The following SLC43A1 variants were observed in gnomAD, a reference collection of about 807,000 sequenced individuals.
SLC43A1 encodes large neutral amino acids transporter small subunit 3.
A neutral mutation model predicts 59.5 loss-of-function variants in SLC43A1; 31 were observed. The ratio of observed to expected loss-of-function variants is 0.52; its 90% CI spans 0.39 to 0.70. SLC43A1 has a LOEUF of 0.70. Among genes scored for constraint, SLC43A1 ranks in the 30% least tolerant of loss-of-function variants. SLC43A1 has a pLI of 0.00. For missense variants in SLC43A1, 598 were observed against 717.8 expected, an observed-to-expected ratio of 0.83 and a Z score of 1.91; for synonymous variants, 259 against 290.9, an observed-to-expected ratio of 0.89 and a Z score of 1.12.
chr11:57,498,523 G>A (rs1176028259), intron 5 of SLC43A1, among the ~76,000 whole-genome samples: 3 of 152,156 alleles, frequency 2.0e-5, no homozygotes, highest in African/African-American at 4.8e-5. Context: ...GAGACCCAGG[G>A]AGGAAAAGTG....
intron 2 of SLC43A1, among the ~76,000 whole-genome samples, chr11:57,510,870 T>C (rs1194815471): frequency 6.6e-6 from 1 of 151,876 alleles, no homozygotes; most frequent in Non-Finnish European, 1.5e-5. Context: ...CGGGCGCCTG[T>C]ACCTGGGAGG....
chr11:57,487,254 C>T (rs759421617), intron 13 of SLC43A1, 36 bp from the exon 14 acceptor site: 41 of 1,598,756 alleles, frequency 2.6e-5, no homozygotes, highest in Non-Finnish European at 3.2e-5. Context: ...GGGTGTGTGG[C>T]CCTCTCCAGC....
intron 5 of SLC43A1, among the ~76,000 whole-genome samples, chr11:57,498,453 A>G (rs180767967): frequency 1.1e-4 from 16 of 152,240 alleles, no homozygotes; most frequent in Non-Finnish European, 1.6e-4. Context: ...CCCCCCAAAA[A>G]AAAAGAAAAG....
chr11:57,491,335 GC>G lies in SLC43A1; in HGVS notation c.1081del (p.Ala361ProfsTer65). 6.2e-7 allele frequency: 1 copy of G among 1,605,566 alleles called. No individual in the cohort carries two copies. The highest frequency in any genetic ancestry group is 8.5e-7 in the Non-Finnish European group (1 of 1,175,772). ...TVGFYSSVFG[A>X]MQLLCLLTCP... is the part of the protein sequence containing the mutation. ...GGTGAGAAGGCACAACAGCTGCATG[GC>G]CCCGAAGACGGAGGAGTAGAACCCA... On this transcript the variant is annotated frameshift_variant, in exon 11 of 15. Coordinates refer to ENST00000278426, the MANE Select transcript of SLC43A1 (RefSeq NM_003627.6). LOFTEE classifies it high-confidence loss of function.
At chr11:57,498,305 G>T (rs1235336529) in intron 5 of SLC43A1, among the ~76,000 whole-genome samples, 1 of 152,086 alleles carries the variant, frequency 6.6e-6, no homozygotes, top group Non-Finnish European at 1.5e-5. Flanking sequence ...GCTAGGCATG[G>T]TGGCATGCGC....
At chr11:57,485,634 G>T (rs1943708850) in intron 14 of SLC43A1, among the ~76,000 whole-genome samples, 1 of 152,156 alleles carries the variant, frequency 6.6e-6, no homozygotes, top group South Asian at 2.1e-4. Flanking sequence ...GCGAGAGGAG[G>T]CTCTCAGACA....
chr11:57,486,227 C>G (rs921696764), intron 14 of SLC43A1, among the ~76,000 whole-genome samples: 2 of 152,236 alleles, frequency 1.3e-5, no homozygotes, highest in African/African-American at 4.8e-5. Context: ...TGGCTCACGC[C>G]TGTAACCCCA....
Position 57,489,350 on chromosome 11 carries a change from C to G in SLC43A1, c.1236G>C (p.Lys412Asn), listed in dbSNP as rs1433995338. 3.4e-5 allele frequency: 55 copies of G among 1,614,050 alleles called. No homozygotes were observed. Among genetic ancestry groups the G allele is most frequent in the Non-Finnish European group, 4.5e-5 (53 of 1,180,054 alleles). The change falls in exon 12 of 15, where the codon AAG becomes AAC. Residue 412 changes from lysine (K) to asparagine (N), a missense_variant. Transcript: ENST00000278426. ...TGATGGCATTGGTGAGCTTTTGGAT[C>G]TTGCAGTAGCGTGGTCTGATGGATT... Reference protein sequence around the residue: ...ATKSIRPRYCKIQKLTNAISA... With the variant: ...ATKSIRPRYCNIQKLTNAISA...
intron 13 of SLC43A1, 106 bp from the exon 14 acceptor site, chr11:57,487,324 G>C: frequency 7.2e-7 from 1 of 1,390,544 alleles, no homozygotes; most frequent in African/African-American, 1.4e-5. Flanking sequence ...AGGCAGGGTG[G>C]TGCTTAAGCG....
rs1198016016 is a variant in SLC43A1 at position 57,487,140 on chromosome 11, TGGCTGCTGAAGCAA to T, written c.1474_1487del (p.Leu492ThrfsTer57). On this transcript the variant is annotated frameshift_variant, in exon 14 of 15. Transcript: ENST00000278426. LOFTEE classifies it low-confidence loss of function (END_TRUNC). ...GGGGTCCCACCATCGCCATGAAAAG[TGGCTGCTGAAGCAA>T]GGCGAACACAGCACTGATGAGGGAC... 1.5e-5 allele frequency: 25 copies of T among 1,613,818 alleles called. No homozygotes were observed. Among genetic ancestry groups the T allele is most frequent in the African/African-American group, 2.7e-5 (2 of 74,856 alleles).
chr11:57,485,289 C>T (rs1445882675), intron 14 of SLC43A1, 47 bp from the exon 15 acceptor site: 1 of 1,555,770 alleles, frequency 6.4e-7, no homozygotes, highest in Non-Finnish European at 8.7e-7. Flanking sequence ...TAGTCATCTG[C>T]CCTTAGCCTC....
chr11:57,495,905 G>A (rs1944067572), intron 7 of SLC43A1, 126 bp downstream of exon 7: 14 of 1,057,262 alleles, frequency 1.3e-5, no homozygotes, highest in South Asian at 1.6e-5. Context: ...AGCTTGGAGG[G>A]CTCAAGCGAT....
intron 8 of SLC43A1, among the ~76,000 whole-genome samples, chr11:57,492,736 A>AG (rs146909544): frequency 9.3e-4 from 9 of 9,706 alleles, no homozygotes; most frequent in African/African-American, 3.7e-3. Flanking sequence ...TCTATTTTAC[A>AG]AAAAAAAAAA....
chr11:57,496,050 G>A lies in SLC43A1; in HGVS notation c.673C>T (p.Pro225Ser). ...ACTCACGTGTAATTGACTTCCTCAG[G>A]GGCAGGAAAGGCTTCGATGGGCCAG... ...LNWPIEAFPAPEEVNYTKKIK... is the reference protein window; with the variant it reads ...LNWPIEAFPASEEVNYTKKIK... The change falls in exon 7 of 15, where the codon CCT (proline) becomes TCT (serine). Residue 225 changes from proline to serine, a missense_variant. Physicochemically the swap from Pro to Ser is moderately conservative, Grantham distance 74. Transcript: ENST00000278426. 6.2e-7 allele frequency: 1 copy of A among 1,614,026 alleles called. No individual in the cohort carries two copies. Among genetic ancestry groups the A allele is most frequent in the East Asian group, 2.2e-5 (1 of 44,872 alleles).
chr11:57,495,938 G>A (rs1165202334), intron 7 of SLC43A1, 93 bp downstream of exon 7: 12 of 1,432,494 alleles, frequency 8.4e-6, no homozygotes, highest in African/African-American at 4.3e-5. Context: ...GGTCCAAGCC[G>A]AGGTCTCTCT....
chr11:57,505,002 A>T (rs1944360607), intron 2 of SLC43A1, among the ~76,000 whole-genome samples: 1 of 152,212 alleles, frequency 6.6e-6, no homozygotes, highest in Non-Finnish European at 1.5e-5. Context: ...ATGACAACAG[A>T]AAAGGTCTTT....
At chr11:57,512,319 T>G (rs932527814) in intron 2 of SLC43A1, among the ~76,000 whole-genome samples, 1 of 151,456 alleles carries the variant, frequency 6.6e-6, no homozygotes, top group Non-Finnish European at 1.5e-5. Flanking sequence ...AGGCCAAGAG[T>G]GGTGGCTCAT....
chr11:57,505,510 TA>T (rs888275529), intron 2 of SLC43A1, among the ~76,000 whole-genome samples: 2 of 149,814 alleles, frequency 1.3e-5, no homozygotes, highest in East Asian at 1.9e-4. Context: ...AGACTCCATC[TA>T]AAAAAAACTA....
At chr11:57,492,683 T>C (rs1188078558) in intron 8 of SLC43A1, among the ~76,000 whole-genome samples, 6 of 138,004 alleles carry the variant, frequency 4.3e-5, no homozygotes, top group Admixed American at 3.1e-4. Context: ...TGAACTATGA[T>C]TGCACTACCG....
Sources: gnomAD v4.1 joint callset for allele counts (sites outside exome capture counted in the v4.1 genomes callset) on GRCh38, gnomAD v4.1.1 for gene constraint, MANE v1.5 for transcripts, NCBI Gene and HGNC (gene_info 2026-07-23, HGNC 2026-07-21) for gene names.